SLC38A11: variants seen among roughly 807,000 people sequenced by gnomAD.
The protein encoded by SLC38A11 is putative sodium-coupled neutral amino acid transporter 11.
In SLC38A11, 51 loss-of-function variants were observed where a neutral mutation model predicts 49.4. That is an observed-to-expected ratio of 1.03 (90% confidence interval 0.83 to 1.30). SLC38A11 has a LOEUF of 1.30. Ranked by LOEUF, SLC38A11 falls within the 50% of genes most tolerant of loss-of-function variation. The pLI is 0.00. For missense variants in SLC38A11, 574 were observed against 556.2 expected (o/e 1.03, Z -0.32); for synonymous variants, 203 against 192.9 (o/e 1.05, Z -0.43).
chr2:164,924,090 A>G (rs12611620), intron 7 of SLC38A11, among the ~76,000 whole-genome samples: 37,355 of 152,112 alleles, frequency 0.25, 5,771 homozygotes, highest in South Asian at 0.46. Flanking sequence ...AGTGGATTGC[A>G]TAAAGAAAAT....
At chr2:164,955,183 A>T (rs763043832) in intron 1 of SLC38A11, 26 bp downstream of exon 1, 249 of 1,548,566 alleles carry the variant, frequency 1.6e-4, no homozygotes, top group Non-Finnish European at 2.0e-4. Flanking sequence ...AACTGGCTTC[A>T]GAACCTGCCT....
chr2:164,912,642 C>T (rs1336938813), intron 9 of SLC38A11, among the ~76,000 whole-genome samples: 1 of 152,014 alleles, frequency 6.6e-6, no homozygotes, highest in Admixed American at 6.6e-5. Flanking sequence ...TGTTACCTTT[C>T]ATGGCACCTC....
At chr2:164,928,345 C>T (rs556767722) in intron 7 of SLC38A11, among the ~76,000 whole-genome samples, 1 of 152,162 alleles carries the variant, frequency 6.6e-6, no homozygotes, top group Non-Finnish European at 1.5e-5. Flanking sequence ...TTATTTGTCT[C>T]AAGACAATGT....
At chr2:164,902,166 C>T (rs1684698400) in intron 11 of SLC38A11, among the ~76,000 whole-genome samples, 1 of 151,448 alleles carries the variant, frequency 6.6e-6, no homozygotes, top group African/African-American at 2.4e-5. Flanking sequence ...GTTGTTGAGA[C>T]TACAGGCACA....
intron 11 of SLC38A11, among the ~76,000 whole-genome samples, chr2:164,903,309 A>C (rs1488133098): frequency 6.6e-6 from 1 of 152,218 alleles, no homozygotes; most frequent in East Asian, 1.9e-4. Flanking sequence ...AACTGCCCCC[A>C]GCTTCTGCTA....
intron 10 of SLC38A11, among the ~76,000 whole-genome samples, chr2:164,909,096 A>G (rs902553320): frequency 1.8e-4 from 27 of 152,116 alleles, no homozygotes; most frequent in African/African-American, 6.3e-4. Context: ...CTTGAGTCCA[A>G]TAGGTTACTA....
chr2:164,939,894 C>T (rs1198949270), intron 5 of SLC38A11, among the ~76,000 whole-genome samples: 1 of 151,472 alleles, frequency 6.6e-6, no homozygotes, highest in African/African-American at 2.4e-5. Context: ...AATTCCTTTT[C>T]TAAGGTAAAA....
rs903210097 is a variant in SLC38A11 at position 164,941,992 on chromosome 2, G to A, written c.431-2436C>T. 2.0e-5 allele frequency among the ~76,000 whole-genome samples: 3 copies of A among 152,214 alleles called. No individual in the cohort carries two copies. In the East Asian group the frequency reaches 5.8e-4, roughly 29 times the overall value. The stretch of plus-strand genomic sequence containing the variant: ...AGGAAAAACAGGAGGGGGCTGAAAG[G>A]ATGGTTTCCACCCGATTGTCTCAAG... On this transcript the variant is annotated intron_variant, in intron 5 of 11. Transcript: ENST00000685975.
rs548490261 is a variant in SLC38A11, at chr2:164,930,450, AC to A, written c.617+6899del. Among the ~76,000 whole-genome samples the A allele has an allele frequency of 4.2e-3, 636 of 152,102 alleles. 2 individuals carry two copies. The highest frequency in any genetic ancestry group is 0.015 in the African/African-American group (619 of 41,492). ...AAAATCTGGCAGAGAAACAACATCAACAAAAAAAAAACTTCAGGCCAATATC... is the reference window on the plus strand; with the variant it reads ...AAAATCTGGCAGAGAAACAACATCAAAAAAAAAAAACTTCAGGCCAATATC... On this transcript the variant is annotated intron_variant, in intron 7 of 11. Coordinates refer to ENST00000685975, the MANE Select transcript of SLC38A11 (RefSeq NM_001351537.2).
chr2:164,925,071 A>G (rs1461638642), intron 7 of SLC38A11, among the ~76,000 whole-genome samples: 1 of 152,192 alleles, frequency 6.6e-6, no homozygotes, highest in East Asian at 1.9e-4. Flanking sequence ...TAAAATATGA[A>G]TCATATAAAA....
intron 7 of SLC38A11, among the ~76,000 whole-genome samples, chr2:164,933,254 T>A (rs1053440346): frequency 6.6e-6 from 1 of 151,768 alleles, no homozygotes; most frequent in Non-Finnish European, 1.5e-5. Context: ...GGTTTTTTTT[T>A]AACAGTGATA....
intron 8 of SLC38A11, chr2:164,915,572 G>C (rs562818203): frequency 9.6e-6 from 4 of 416,218 alleles, no homozygotes; most frequent in Middle Eastern, 6.5e-4. Flanking sequence ...TTTTCCCATC[G>C]TTTTCATCCT....
chr2:164,955,266 A>T lies in SLC38A11; in HGVS notation c.-19T>A. The T allele has an allele frequency of 6.5e-7, 1 of 1,550,308 alleles. No individual in the cohort carries two copies. Among genetic ancestry groups the T allele is most frequent in the Non-Finnish European group, 8.7e-7 (1 of 1,146,788 alleles). ...AGCCCATGGCTGAGCGGTGGTCCTCAGCAGGTGGAAGATGCTGGGGCTGGG... is the reference window on the plus strand; with the variant it reads ...AGCCCATGGCTGAGCGGTGGTCCTCTGCAGGTGGAAGATGCTGGGGCTGGG... On this transcript the variant is annotated 5_prime_UTR_variant, in exon 1 of 12. Coordinates refer to ENST00000685975, the MANE Select transcript of SLC38A11 (RefSeq NM_001351537.2).
chr2:164,937,232 C>G lies in SLC38A11; in HGVS notation c.617+118G>C, dbSNP rs916606130. On this transcript the variant is annotated intron_variant, in intron 7 of 11. Transcript: ENST00000685975. ...TTATTTTACCTCATTTTGTCAAATA[C>G]CAAAGATAAATGATGTTTCTGATAC... 3 of 704,526 alleles carry G rather than the reference C, an allele frequency of 4.3e-6. No homozygotes were observed. The Admixed American group carries it at 7.6e-5, about 18-fold the overall frequency. 43.6% of individuals were successfully genotyped at this position (704,526 alleles called of 1,614,324 possible). A position where few individuals can be genotyped will look rare whatever the true frequency, so the allele number is the denominator to read the frequency against.
At chr2:164,927,628 G>T (rs543447018) in intron 7 of SLC38A11, among the ~76,000 whole-genome samples, 5 of 152,064 alleles carry the variant, frequency 3.3e-5, no homozygotes, top group Non-Finnish European at 7.4e-5. Context: ...ACACATTTCT[G>T]CCAACAGTAT....
At chr2:164,932,697 A>G (rs1367148327) in intron 7 of SLC38A11, among the ~76,000 whole-genome samples, 1 of 152,162 alleles carries the variant, frequency 6.6e-6, no homozygotes, top group Admixed American at 6.6e-5. Context: ...CAACACATGG[A>G]CACAGAGAGG....
In SLC38A11 at chr2:164,898,301, T is replaced by G; in HGVS notation, c.*136A>C. On this transcript the variant is annotated 3_prime_UTR_variant, in exon 12 of 12. Transcript: ENST00000685975. ...TTTTTCTTTTCTTTATCTTTTATAT[T>G]GCACTACTCATAAAAGCCAAGTCTT... The G allele has an allele frequency of 1.6e-6, 1 of 638,720 alleles. No individual in the cohort carries two copies. Among genetic ancestry groups the G allele is most frequent in the Non-Finnish European group, 2.7e-6 (1 of 374,280 alleles). The allele number at this position is 638,720 out of a possible 1,614,324, so 39.6% of individuals were successfully genotyped here.
At chr2:164,945,834 A>T in intron 3 of SLC38A11, 107 bp from the exon 4 acceptor site, 1 of 1,247,772 alleles carries the variant, frequency 8.0e-7, no homozygotes, top group Non-Finnish European at 1.1e-6. Flanking sequence ...AGAAGCATTT[A>T]ATTTAATGCT....
intron 11 of SLC38A11, among the ~76,000 whole-genome samples, chr2:164,906,044 C>CA (rs887736360): frequency 1.4e-4 from 21 of 151,316 alleles, no homozygotes; most frequent in African/African-American, 3.4e-4. Flanking sequence ...GCTAGATTTA[C>CA]AAAAAAAACT....
Sources: allele counts gnomAD v4.1 joint callset (sites outside exome capture counted in the v4.1 genomes callset), GRCh38; gene constraint gnomAD v4.1.1; transcripts MANE v1.5; gene names NCBI Gene and HGNC (gene_info 2026-07-23, HGNC 2026-07-21).